Variants in ATRNL1 observed in about 807,000 individuals in gnomAD.
The protein encoded by ATRNL1 is attractin-like protein 1.
ATRNL1 carries 95 observed loss-of-function variants against 182.7 expected under a neutral mutation model. That is an observed-to-expected ratio of 0.52 (90% CI 0.44 to 0.62). The LOEUF (loss-of-function observed/expected upper bound fraction) is 0.62, where lower values mean the gene tolerates loss of function less well. Among genes scored for constraint, ATRNL1 ranks in the 20% least tolerant of loss-of-function variants. The pLI is 0.00. For synonymous variants in ATRNL1, 576 were observed against 568.3 expected, an observed-to-expected ratio of 1.01 and a Z score of -0.19; for missense variants, 1,471 against 1,679.5, an observed-to-expected ratio of 0.88 and a Z score of 2.17.
chr10:115,383,456 T>G (rs1858146919), intron 19 of ATRNL1, among the ~76,000 whole-genome samples: 1 of 151,990 alleles, frequency 6.6e-6, no homozygotes, highest in East Asian at 1.9e-4. Flanking sequence ...TAACTATGTG[T>G]ATAGTTAGAT....
chr10:115,317,447 A>T (rs879997845), intron 18 of ATRNL1, among the ~76,000 whole-genome samples: 3 of 152,160 alleles, frequency 2.0e-5, no homozygotes, highest in Non-Finnish European at 4.4e-5. Flanking sequence ...TTGTAGCTTG[A>T]TGGGAATAGC....
chr10:115,520,491 T>A (rs940675333), intron 25 of ATRNL1, among the ~76,000 whole-genome samples: 2 of 152,206 alleles, frequency 1.3e-5, no homozygotes, highest in African/African-American at 4.8e-5. Flanking sequence ...TGGGAGTGGC[T>A]GTGTTCCAAT....
At chr10:115,173,925 T>C (rs1033950412) in intron 8 of ATRNL1, among the ~76,000 whole-genome samples, 2 of 110,850 alleles carry the variant, frequency 1.8e-5, no homozygotes, top group African/African-American at 6.9e-5. Flanking sequence ...GTAAATTTTC[T>C]GTACATGTCT....
intron 26 of ATRNL1, among the ~76,000 whole-genome samples, chr10:115,659,585 A>G (rs1860545348): frequency 6.6e-6 from 1 of 152,098 alleles, no homozygotes; most frequent in Admixed American, 6.6e-5. Context: ...TATTTAATGT[A>G]TTGTAATACA....
chr10:115,560,714 T>A (rs1345465483), intron 26 of ATRNL1, among the ~76,000 whole-genome samples: 1 of 147,064 alleles, frequency 6.8e-6, no homozygotes, highest in Non-Finnish European at 1.5e-5. Context: ...GCAAAAACAT[T>A]CTTGAAAAAG....
chr10:115,933,920 T>C (rs1173567552), intron 28 of ATRNL1, among the ~76,000 whole-genome samples: 1 of 152,204 alleles, frequency 6.6e-6, no homozygotes, highest in East Asian at 1.9e-4. Flanking sequence ...TCCACTCTAA[T>C]GGCAGAGTGC....
At chr10:115,826,409 T>C (rs1350969138) in intron 27 of ATRNL1, among the ~76,000 whole-genome samples, 2 of 151,616 alleles carry the variant, frequency 1.3e-5, no homozygotes, top group Admixed American at 1.3e-4. Context: ...AGAGGGAGGG[T>C]TACATCTTTT....
chr10:115,329,514 A>T (rs550837482), intron 18 of ATRNL1, among the ~76,000 whole-genome samples: 2 of 152,048 alleles, frequency 1.3e-5, no homozygotes, highest in Non-Finnish European at 2.9e-5. Flanking sequence ...TTTGCTTTCT[A>T]TACCTCCCTT....
chr10:115,322,008 T>C (rs1485349360), intron 18 of ATRNL1, among the ~76,000 whole-genome samples: 3 of 151,824 alleles, frequency 2.0e-5, no homozygotes, highest in Non-Finnish European at 2.9e-5. Context: ...GGTAATACCA[T>C]TTACAGTAGC....
chr10:115,910,324 T>C (rs1325488480), intron 28 of ATRNL1, among the ~76,000 whole-genome samples: 1 of 152,178 alleles, frequency 6.6e-6, no homozygotes, highest in Non-Finnish European at 1.5e-5. Context: ...TCAAGGGCAC[T>C]CAATTTGACT....
intron 28 of ATRNL1, among the ~76,000 whole-genome samples, chr10:115,938,481 G>C (rs1391422668): frequency 6.6e-6 from 1 of 152,054 alleles, no homozygotes; most frequent in Non-Finnish European, 1.5e-5. Flanking sequence ...TTTTTCTAAG[G>C]TTGCAGGTGA....
At chr10:115,156,007 G>T (rs1554881952) in intron 5 of ATRNL1, among the ~76,000 whole-genome samples, 1 of 151,988 alleles carries the variant, frequency 6.6e-6, no homozygotes, top group African/African-American at 2.4e-5. Flanking sequence ...AATGGATGGT[G>T]GCCATTGGAC....
chr10:115,863,755 G>GT (rs1379199894), intron 28 of ATRNL1, among the ~76,000 whole-genome samples: 2 of 152,120 alleles, frequency 1.3e-5, no homozygotes, highest in South Asian at 2.1e-4. Flanking sequence ...TCATCTCTTG[G>GT]TTTTTTAACA....
At chr10:115,097,721 C>T (rs1045784240) in intron 1 of ATRNL1, among the ~76,000 whole-genome samples, 32 of 152,170 alleles carry the variant, frequency 2.1e-4, no homozygotes, top group African/African-American at 7.2e-4. Flanking sequence ...GTCAGGAGAT[C>T]GAGACCATCC....
At chr10:115,310,433 A>C (rs1853957766) in intron 17 of ATRNL1, among the ~76,000 whole-genome samples, 1 of 152,052 alleles carries the variant, frequency 6.6e-6, no homozygotes. Flanking sequence ...TTGAATATCT[A>C]GTATAATTCG....
chr10:115,774,578 G>T (rs893617560), intron 27 of ATRNL1, among the ~76,000 whole-genome samples: 2 of 152,102 alleles, frequency 1.3e-5, no homozygotes, highest in African/African-American at 4.8e-5. Context: ...GGTAGAAGAA[G>T]TTTTTACATT....
In ATRNL1 at chr10:115,127,669, C is replaced by T. The variant is rs782272283; in HGVS notation, c.568C>T (p.His190Tyr). 3 of 1,579,560 alleles carry T rather than the reference C, an allele frequency of 1.9e-6. No homozygotes were observed. The South Asian group carries it at 3.5e-5, about 18-fold the overall frequency. ...TACTACATCTGGCTATGCACTGTTACATTTTTTTAGTGATGCTGCGTATAA... is the reference window on the plus strand; with the variant it reads ...TACTACATCTGGCTATGCACTGTTATATTTTTTTAGTGATGCTGCGTATAA... ...VVTTSGYALL[H>Y]FFSDAAYNLT... Residue 190 changes from histidine (H) to tyrosine (Y), a missense_variant, in exon 4 of 29, where the codon CAT becomes TAT. By Grantham distance (83) the His-to-Tyr change is moderately conservative (BLOSUM62 2). Transcript: ENST00000355044.
chr10:115,235,300 T>C (rs1304771302), intron 9 of ATRNL1, among the ~76,000 whole-genome samples: 1 of 152,194 alleles, frequency 6.6e-6, no homozygotes, highest in African/African-American at 2.4e-5. Context: ...TTAGTGGTTT[T>C]CAGTATATTC....
intron 1 of ATRNL1, among the ~76,000 whole-genome samples, chr10:115,118,988 G>C (rs1205061810): frequency 1.3e-4 from 19 of 151,978 alleles, no homozygotes; most frequent in Non-Finnish European, 5.9e-5. Flanking sequence ...CTGTAATATG[G>C]AGTTATTAAT....
Sources: gnomAD v4.1 joint callset for allele counts (sites outside exome capture counted in the v4.1 genomes callset) on GRCh38, gnomAD v4.1.1 for gene constraint, MANE v1.5 for transcripts, NCBI Gene and HGNC (gene_info 2026-07-23, HGNC 2026-07-21) for gene names.